DSG1: variants seen among roughly 807,000 people sequenced by gnomAD.
DSG1 encodes the protein desmoglein 1.
DSG1 carries 39 observed loss-of-function variants against 97.5 expected under a neutral mutation model. That is an observed-to-expected ratio of 0.40 (90% CI 0.31 to 0.52). DSG1 has a LOEUF of 0.52. Ranked by LOEUF, DSG1 falls within the 20% of genes least tolerant of loss-of-function variation. The probability of loss-of-function intolerance (pLI) is 0.53; values close to 1 mark genes in which losing one functional copy is unlikely to be tolerated. For synonymous variants in DSG1, 475 were observed against 443.4 expected (o/e 1.07, Z -0.90); for missense variants, 1,311 against 1,295.4 (o/e 1.01, Z -0.18).
chr18:31,338,282 A>AC, intron 9 of DSG1, 33 bp from the exon 10 acceptor site: 1 of 1,607,796 alleles, frequency 6.2e-7, no homozygotes, highest in Non-Finnish European at 8.5e-7. Flanking sequence ...TAGATAGCTG[A>AC]CATTAATTTG....
chr18:31,355,056 AG>A lies in DSG1; in HGVS notation c.2863del (p.Val955LeufsTer7). 1.2e-6 allele frequency: 2 copies of A among 1,614,154 alleles called. No homozygotes were observed. Among genetic ancestry groups the A allele is most frequent in the Non-Finnish European group, 1.7e-6 (2 of 1,180,016 alleles). ...TGCCCACAATGTCATTGTGACAGAG[AG>A]GGTTGTTTCTGGTGCTGGCGTAACT... ...ANAHNVIVTE[R>X]VVSGAGVTGI... On this transcript the variant is annotated frameshift_variant, in exon 15 of 15. Transcript: ENST00000257192. LOFTEE classifies it high-confidence loss of function.
At chr18:31,348,542 A>C (rs2071863626) in intron 14 of DSG1, among the ~76,000 whole-genome samples, 1 of 150,462 alleles carries the variant, frequency 6.6e-6, no homozygotes. Context: ...AGGAATTGCC[A>C]CACTGACTTC....
At position 31,333,716 on chromosome 18, in the gene DSG1, A is replaced by G; in HGVS notation, c.812A>G (p.Gln271Arg). ...AATGATAATATCCCTTACATGGAAC[A>G]GTCTTCAGTAAGTATTTGTTCTTGG... The part of the protein sequence containing the change: ...DVNDNIPYME[Q>R]SSYTIEIQEN... The change falls in exon 7 of 15, where the codon CAG (glutamine) becomes CGG (arginine). Residue 271 changes from glutamine to arginine, a missense_variant. Around this residue, in one of 3 missense-constraint regions of DSG1, gnomAD observed 1,038 missense variants for 964.6 expected, o/e 1.08. Transcript: ENST00000257192. 1 of 1,613,716 alleles carries G rather than the reference A, an allele frequency of 6.2e-7. No homozygotes were observed. The highest frequency in any genetic ancestry group is 1.7e-4 in the Middle Eastern group (1 of 6,060).
rs201784573 is a variant in DSG1 at position 31,341,684 on chromosome 18, A to G, written c.1687+1659A>G. On this transcript the variant is annotated intron_variant, in intron 11 of 14. Coordinates refer to ENST00000257192, the MANE Select transcript of DSG1 (RefSeq NM_001942.4). ...AGAGAAAGAAAAAAGCATTCTCATC[A>G]AAATGAACCAAGACAAGATAAAGGC... Among the ~76,000 whole-genome samples the G allele has an allele frequency of 6.6e-5, 10 of 152,206 alleles. No homozygotes were observed. The East Asian group carries it at 1.7e-3, about 26-fold the overall frequency.
chr18:31,338,070 G>T (rs923360355), intron 9 of DSG1, among the ~76,000 whole-genome samples: 7 of 151,868 alleles, frequency 4.6e-5, no homozygotes, highest in African/African-American at 1.7e-4. Context: ...CATCCAAGTG[G>T]GCATAAAAAG....
At chr18:31,345,910 C>T in intron 13 of DSG1, 80 bp from the exon 14 acceptor site, 1 of 1,094,690 alleles carries the variant, frequency 9.1e-7, no homozygotes, top group Admixed American at 2.0e-5. Context: ...ATGAAAAAAT[C>T]ACATATTACA....
chr18:31,347,861 C>A (rs190893472), intron 14 of DSG1: 2 of 151,964 alleles, frequency 1.3e-5, no homozygotes, highest in East Asian at 3.9e-4. Flanking sequence ...CCCAACTCAA[C>A]TATGAACTAC....
At chr18:31,348,516 T>C (rs2071863238) in intron 14 of DSG1, among the ~76,000 whole-genome samples, 2 of 150,892 alleles carry the variant, frequency 1.3e-5, no homozygotes, top group African/African-American at 5.0e-5. Context: ...ATGGTATTTC[T>C]AGTTCTAGAT....
chr18:31,326,676 C>A, intron 2 of DSG1, 60 bp downstream of exon 2: 1 of 1,449,094 alleles, frequency 6.9e-7, no homozygotes, highest in Non-Finnish European at 9.7e-7. Flanking sequence ...TTGAGAATAA[C>A]AATATGTTTT....
chr18:31,326,601 T>C lies in DSG1; in HGVS notation c.69T>C (p.Ser23=). The C allele has an allele frequency of 6.2e-7, 1 of 1,605,236 alleles. No homozygotes were observed. The highest frequency in any genetic ancestry group is 8.5e-7 in the Non-Finnish European group (1 of 1,172,628). Residue 23 remains serine (S), a synonymous_variant, in exon 2 of 15, where the codon AGT becomes AGC. Coordinates refer to ENST00000257192, the MANE Select transcript of DSG1 (RefSeq NM_001942.4). ...FIFLVVVEVN[S]EFRIQVRDYN... is the part of the protein sequence containing the mutation. ...TACAGGTGGTGGTAGAAGTTAACAG[T>C]GAATTCCGAATCCAGGTAATATATA...
chr18:31,331,358 G>A (rs902439318), intron 5 of DSG1, among the ~76,000 whole-genome samples: 1 of 152,020 alleles, frequency 6.6e-6, no homozygotes, highest in Non-Finnish European at 1.5e-5. Context: ...TGAGAAAGTT[G>A]GGAAAATGTT....
At chr18:31,334,601 A>G (rs774267451) in intron 8 of DSG1, among the ~76,000 whole-genome samples, 9 of 152,188 alleles carry the variant, frequency 5.9e-5, no homozygotes, top group Non-Finnish European at 1.2e-4. Flanking sequence ...TTACACATGT[A>G]GAATATTCAT....
chr18:31,328,457 G>T (rs1598699694), intron 4 of DSG1, 113 bp downstream of exon 4: 1 of 1,132,268 alleles, frequency 8.8e-7, no homozygotes. Flanking sequence ...GGCATTTTTG[G>T]TTGTTTCTTA....
Position 31,353,791 on chromosome 18 carries a change from C to A in DSG1, c.2101-506C>A, listed in dbSNP as rs562029203. The stretch of plus-strand genomic sequence containing the variant: ...AGAAAGGGAACTCCCTGACCCCTTG[C>A]GCTTCCCAAGTGAGGCAATGCCTCG... On this transcript the variant is annotated intron_variant, in intron 14 of 14. Coordinates refer to ENST00000257192, the MANE Select transcript of DSG1 (RefSeq NM_001942.4). 3 of 170,230 alleles carry A rather than the reference C, an allele frequency of 1.8e-5. No homozygotes were observed. The South Asian group carries it at 4.1e-4, about 23-fold the overall frequency. 10.5% of individuals were successfully genotyped at this position (170,230 alleles called of 1,614,324 possible).
rs748974428 is a variant in DSG1 at position 31,346,123 on chromosome 18, A to G, written c.2025A>G (p.Thr675=). The G allele has an allele frequency of 6.2e-7, 1 of 1,613,974 alleles. No individual in the cohort carries two copies. The highest frequency in any genetic ancestry group is 8.5e-7 in the Non-Finnish European group (1 of 1,179,854). ...AGATATGTCAAGAATACTCTGGAAC[A>G]TTAAGAAGAAATTCTATGAGGGAAT... ...MPEICQEYSG[T]LRRNSMRECR... The change falls in exon 14 of 15, where the codon ACA becomes ACG. Residue 675 remains threonine, a synonymous_variant. Coordinates refer to ENST00000257192, the MANE Select transcript of DSG1 (RefSeq NM_001942.4).
At chr18:31,347,718 A>G (rs1598712283) in intron 14 of DSG1, 1 of 152,274 alleles carries the variant, frequency 6.6e-6, no homozygotes, top group East Asian at 1.9e-4. Flanking sequence ...GTCTTTGATC[A>G]CCTTTAATTT....
Position 31,354,380 on chromosome 18 carries a change from C to A in DSG1, c.2184C>A (p.Ser728=), listed in dbSNP as rs1411417515. The A allele has an allele frequency of 1.9e-6, 3 of 1,614,060 alleles. No individual in the cohort carries two copies. The highest frequency in any genetic ancestry group is 2.5e-6 in the Non-Finnish European group (3 of 1,180,044). The change falls in exon 15 of 15, where the codon TCC becomes TCA. Residue 728 remains serine (S), a synonymous_variant. Coordinates refer to ENST00000257192, the MANE Select transcript of DSG1 (RefSeq NM_001942.4). ...TATATGACATCGAAGGTGTAGGTTC[C>A]CCTGCTGGCTCTGTGGGTTGTTGTA... is the stretch of plus-strand genomic sequence containing the variant. ...LLIYDIEGVG[S]PAGSVGCCSF... is the part of the protein sequence containing the mutation.
In DSG1 at chr18:31,327,284, A is replaced by G. The variant is rs960259542; in HGVS notation, c.216+279A>G. Reference sequence around the variant, plus strand: ...CAGATGAAAAAAGATCATTATTTTAATAAAGAATTTGGCTTTCAGCACATT... The same window carrying G: ...CAGATGAAAAAAGATCATTATTTTAGTAAAGAATTTGGCTTTCAGCACATT... On this transcript the variant is annotated intron_variant, in intron 3 of 14. Coordinates refer to ENST00000257192, the MANE Select transcript of DSG1 (RefSeq NM_001942.4). Among the ~76,000 whole-genome samples the G allele has an allele frequency of 6.6e-5, 10 of 152,354 alleles. No individual in the cohort carries two copies. The Middle Eastern group carries it at 0.014, about 207-fold the overall frequency.
chr18:31,355,546 T>C lies in DSG1; in HGVS notation c.*200T>C. 1.6e-6 allele frequency: 1 copy of C among 626,234 alleles called. No individual in the cohort carries two copies. Among genetic ancestry groups the C allele is most frequent in the Non-Finnish European group, 2.8e-6 (1 of 359,118 alleles). 38.8% of individuals were successfully genotyped at this position (626,234 alleles called of 1,614,324 possible). ...CCTTAGCATTCATAAACTTTTCTCT[T>C]ATATTAGGACTAAGGAACTAAAACT... On this transcript the variant is annotated 3_prime_UTR_variant, in exon 15 of 15. Coordinates refer to ENST00000257192, the MANE Select transcript of DSG1 (RefSeq NM_001942.4).
Sources: gnomAD v4.1 joint callset for allele counts (sites outside exome capture counted in the v4.1 genomes callset) on GRCh38, gnomAD v4.1.1 for gene constraint, gnomAD v4.1.1 regional missense constraint, MANE v1.5 for transcripts, NCBI Gene and HGNC (gene_info 2026-07-23, HGNC 2026-07-21) for gene names.